Variants in DOP1B observed in about 807,000 individuals in gnomAD.
DOP1B encodes the protein DOP1 leucine zipper like protein B.
DOP1B carries 174 observed loss-of-function variants against 233.5 expected under a neutral mutation model. The ratio of observed to expected loss-of-function variants is 0.75; its 90% CI spans 0.66 to 0.85. The LOEUF (loss-of-function observed/expected upper bound fraction) is 0.85. Ranked by LOEUF, DOP1B falls within the 40% of genes least tolerant of loss-of-function variation. DOP1B has a pLI of 0.00. For synonymous variants in DOP1B, 1,190 were observed against 1,185.6 expected (o/e 1.00, Z -0.08); for missense variants, 2,652 against 2,846.6 (o/e 0.93, Z 1.56).
At chr21:36,235,046 G>A (rs2066810178) in intron 15 of DOP1B, among the ~76,000 whole-genome samples, 1 of 152,136 alleles carries the variant, frequency 6.6e-6, no homozygotes, top group Non-Finnish European at 1.5e-5. Flanking sequence ...GTTAGCAGTA[G>A]TCACCCTACT....
intron 2 of DOP1B, among the ~76,000 whole-genome samples, chr21:36,193,678 G>A (rs2066258354): frequency 6.6e-6 from 1 of 152,068 alleles, no homozygotes; most frequent in African/African-American, 2.4e-5. Context: ...TCCCTCTTGT[G>A]TCTGGTGCTG....
At chr21:36,201,463 G>A (rs970634426) in intron 4 of DOP1B, among the ~76,000 whole-genome samples, 2 of 144,288 alleles carry the variant, frequency 1.4e-5, no homozygotes, top group Non-Finnish European at 3.0e-5. Context: ...TTCTCCCGCC[G>A]CAGCCTCCCA....
chr21:36,169,113 G>T, intron 2 of DOP1B: 2 of 877,800 alleles, frequency 2.3e-6, no homozygotes, highest in Admixed American at 1.7e-5. Flanking sequence ...AGAGCCCATC[G>T]TCTGGTCTGC....
intron 2 of DOP1B, among the ~76,000 whole-genome samples, chr21:36,193,466 C>T (rs1368302336): frequency 2.6e-5 from 4 of 152,174 alleles, no homozygotes; most frequent in South Asian, 4.1e-4. Context: ...TGTCACAGGG[C>T]GTTCAGGGGA....
At chr21:36,163,969 G>T (rs1021128337) in intron 1 of DOP1B, among the ~76,000 whole-genome samples, 2 of 152,226 alleles carry the variant, frequency 1.3e-5, no homozygotes, top group Non-Finnish European at 2.9e-5. Flanking sequence ...AAAGGCTTAT[G>T]CCAGGAAGTC....
chr21:36,267,106 G>A (rs939464390), intron 26 of DOP1B, among the ~76,000 whole-genome samples: 2 of 152,142 alleles, frequency 1.3e-5, no homozygotes, highest in Admixed American at 6.6e-5. Context: ...TAAAATTCTC[G>A]GATGTCAAGG....
intron 15 of DOP1B, 67 bp from the exon 16 acceptor site, chr21:36,237,195 T>G: frequency 1.3e-6 from 2 of 1,599,788 alleles, no homozygotes; most frequent in Non-Finnish European, 1.7e-6. Context: ...ACTGACTGAG[T>G]GAGGATGTGA....
rs2066598044 is a variant in DOP1B at position 36,219,387 on chromosome 21, G to C, written c.1145G>C (p.Gly382Ala). Reference protein sequence around the residue: ...DKPEIGPQVVGNLFLEVIRAF... With the variant: ...DKPEIGPQVVANLFLEVIRAF... Reference sequence around the variant, plus strand: ...CTAATTACAGGGCCTCAAGTGGTTGGGAATTTGTTTCTCGAAGTCATCAGG... The same window carrying C: ...CTAATTACAGGGCCTCAAGTGGTTGCGAATTTGTTTCTCGAAGTCATCAGG... The change falls in exon 10 of 37, where the codon GGG becomes GCG. Residue 382 changes from glycine to alanine, a missense_variant. By Grantham distance (60) the Gly-to-Ala change is moderately conservative. This residue lies in a region of DOP1B where 2,617 missense variants were observed against 2,794.3 expected (regional missense o/e 0.94). Coordinates refer to ENST00000691173, the MANE Select transcript of DOP1B (RefSeq NM_001320714.2). 6.2e-7 allele frequency: 1 copy of C among 1,614,016 alleles called. No homozygotes were observed. Among genetic ancestry groups the C allele is most frequent in the South Asian group, 1.1e-5 (1 of 91,088 alleles).
intron 2 of DOP1B, among the ~76,000 whole-genome samples, chr21:36,183,142 T>G (rs951781069): frequency 2.6e-5 from 4 of 152,194 alleles, no homozygotes; most frequent in African/African-American, 9.7e-5. Context: ...CTTCGCCTCC[T>G]GAGTAGCTGG....
At chr21:36,159,283 C>G (rs2065848961) in intron 1 of DOP1B, among the ~76,000 whole-genome samples, 1 of 152,022 alleles carries the variant, frequency 6.6e-6, no homozygotes, top group Admixed American at 6.6e-5. Flanking sequence ...GAAACCCCAT[C>G]TCTACTAAAA....
chr21:36,282,387 C>T (rs2067427335), intron 32 of DOP1B, among the ~76,000 whole-genome samples: 1 of 152,186 alleles, frequency 6.6e-6, no homozygotes, highest in South Asian at 2.1e-4. Flanking sequence ...CACTGCACTC[C>T]AGCCTGGGCA....
At chr21:36,195,859 G>A (rs57437009) in intron 2 of DOP1B, among the ~76,000 whole-genome samples, 1 of 152,212 alleles carries the variant, frequency 6.6e-6, no homozygotes, top group Non-Finnish European at 1.5e-5. Flanking sequence ...TCAGAAAGTA[G>A]TTTCTGCTTT....
At chr21:36,199,970 T>A (rs773233018) in intron 3 of DOP1B, among the ~76,000 whole-genome samples, 7 of 152,170 alleles carry the variant, frequency 4.6e-5, no homozygotes, top group Non-Finnish European at 8.8e-5. Context: ...GATGGCTGGG[T>A]CAAATGGTAT....
chr21:36,232,773 G>A (rs1276688223), intron 14 of DOP1B, 31 bp from the exon 15 acceptor site: 25 of 1,611,074 alleles, frequency 1.6e-5, no homozygotes, highest in Non-Finnish European at 2.1e-5. Context: ...GGTTCTGCTT[G>A]TTTCTGCCTC....
chr21:36,227,412 T>C (rs1051262164), intron 12 of DOP1B, among the ~76,000 whole-genome samples: 10 of 150,766 alleles, frequency 6.6e-5, no homozygotes, highest in African/African-American at 2.0e-4. Context: ...CCGGGCGTGG[T>C]GGTGGGCACC....
At chr21:36,244,932 G>C (rs2066937172) in intron 18 of DOP1B, 116 bp from the exon 19 acceptor site, 3 of 1,085,542 alleles carry the variant, frequency 2.8e-6, no homozygotes, top group Non-Finnish European at 2.6e-6. Context: ...TGTTTCATGT[G>C]AGAATTTTAG....
intron 4 of DOP1B, among the ~76,000 whole-genome samples, chr21:36,208,509 G>A (rs2156411): frequency 0.7 from 106,281 of 152,068 alleles, 37,973 homozygotes; most frequent in African/African-American, 0.86. Flanking sequence ...CATTGGTTTT[G>A]GCAAATCCAG....
intron 1 of DOP1B, among the ~76,000 whole-genome samples, chr21:36,161,138 TTG>T (rs2065865587): frequency 6.6e-6 from 1 of 151,518 alleles, no homozygotes; most frequent in East Asian, 1.9e-4. Flanking sequence ...TTGTTTTTTT[TTG>T]TGTGTGTGTT....
chr21:36,223,846 A>G (rs2066652759), intron 11 of DOP1B, among the ~76,000 whole-genome samples: 1 of 152,146 alleles, frequency 6.6e-6, no homozygotes, highest in African/African-American at 2.4e-5. Context: ...GCAGTGGCGT[A>G]CCCCAGGAAT....
Sources: gnomAD v4.1 joint callset for allele counts (sites outside exome capture counted in the v4.1 genomes callset) on GRCh38, gnomAD v4.1.1 for gene constraint, gnomAD v4.1.1 regional missense constraint, MANE v1.5 for transcripts, NCBI Gene and HGNC (gene_info 2026-07-23, HGNC 2026-07-21) for gene names.